RBFOX1: variants seen among roughly 807,000 people sequenced by gnomAD.
The protein encoded by RBFOX1 is RNA binding protein fox-1 homolog 1.
In RBFOX1, 8 loss-of-function variants were observed where a neutral mutation model predicts 57.7. The ratio of observed to expected loss-of-function variants is 0.14; its 90% confidence interval spans 0.08 to 0.25. RBFOX1 has a LOEUF of 0.25. RBFOX1 is among the 10% of genes least tolerant of loss of function. The pLI is 1.00. For synonymous variants in RBFOX1, 326 were observed against 222.4 expected (o/e 1.47, Z -4.15); for missense variants, 611 against 548.5 (o/e 1.11, Z -1.14).
At chr16:6,758,833 T>C (rs902091702) in intron 3 of RBFOX1, among the ~76,000 whole-genome samples, 1 of 152,178 alleles carries the variant, frequency 6.6e-6, no homozygotes, top group Non-Finnish European at 1.5e-5. Flanking sequence ...ACTTTAACTC[T>C]GGGTAATGTG....
At chr16:6,269,652 A>C (rs892951024) in intron 1 of RBFOX1, among the ~76,000 whole-genome samples, 23 of 152,194 alleles carry the variant, frequency 1.5e-4, no homozygotes, top group African/African-American at 5.5e-4. Context: ...TCCTTCGGAG[A>C]TGAAGGAGAA....
chr16:7,225,478 C>T (rs1395226108), intron 4 of RBFOX1, among the ~76,000 whole-genome samples: 2 of 152,020 alleles, frequency 1.3e-5, no homozygotes, highest in Non-Finnish European at 2.9e-5. Context: ...GAGGCCTCCC[C>T]AGCCACGTAT....
rs529816073 is a variant in RBFOX1 at position 5,354,931 on chromosome 16, G to A, written c.220-112285G>A. Among the ~76,000 whole-genome samples, 5 of 152,266 alleles carry A rather than the reference G, an allele frequency of 3.3e-5. No homozygotes were observed. In the South Asian group the frequency reaches 6.2e-4, roughly 19 times the overall value. On this transcript the variant is annotated intron_variant, in intron 1 of 2. Coordinates refer to the RBFOX1 transcript ENST00000585867. The stretch of plus-strand genomic sequence containing the variant: ...CTTATCTGCTCAGCTAAGGGCGCCT[G>A]AGGGTGGTTAAGGGTCCCGTGGCTT...
intron 6 of RBFOX1, among the ~76,000 whole-genome samples, chr16:7,586,910 A>G (rs940670982): frequency 3.3e-5 from 5 of 152,254 alleles, no homozygotes; most frequent in African/African-American, 9.6e-5. Context: ...GTTTAGTGGG[A>G]TAGACCAGAA....
intron 3 of RBFOX1, among the ~76,000 whole-genome samples, chr16:6,993,487 G>T (rs778446834): frequency 6.6e-6 from 1 of 152,162 alleles, no homozygotes; most frequent in Non-Finnish European, 1.5e-5. Flanking sequence ...AAGCCATCCT[G>T]TTGCATTGAA....
At chr16:5,562,980 C>T (rs1402204528) in intron 2 of RBFOX1, among the ~76,000 whole-genome samples, 4 of 152,094 alleles carry the variant, frequency 2.6e-5, no homozygotes, top group African/African-American at 7.2e-5. Flanking sequence ...AATGGAGTCT[C>T]GCTTTGTCAC....
intron 3 of RBFOX1, among the ~76,000 whole-genome samples, chr16:6,771,785 A>G (rs528445209): frequency 6.6e-6 from 1 of 152,132 alleles, no homozygotes; most frequent in Non-Finnish European, 1.5e-5. Context: ...CCCTATGACA[A>G]TAAGTTACCC....
chr16:7,652,206 C>T (rs900834984), intron 11 of RBFOX1, among the ~76,000 whole-genome samples: 9 of 151,002 alleles, frequency 6.0e-5, no homozygotes, highest in Non-Finnish European at 1.2e-4. Context: ...AACTTAAAGG[C>T]AAAAGTGGTT....
chr16:6,057,827 T>A (rs1448483705), intron 1 of RBFOX1, among the ~76,000 whole-genome samples: 1 of 132,722 alleles, frequency 7.5e-6, no homozygotes, highest in East Asian at 2.0e-4. Context: ...TGCTATGGGT[T>A]TTTTTTTTTT....
chr16:5,614,468 A>G (rs552231120), intron 3 of RBFOX1, among the ~76,000 whole-genome samples: 1 of 152,170 alleles, frequency 6.6e-6, no homozygotes, highest in Non-Finnish European at 1.5e-5. Context: ...TTACTCAGAC[A>G]TAAATGATTT....
At chr16:6,547,068 A>T (rs1005037208) in intron 2 of RBFOX1, among the ~76,000 whole-genome samples, 2 of 152,234 alleles carry the variant, frequency 1.3e-5, no homozygotes, top group East Asian at 1.9e-4. Context: ...TTGCCTGCTG[A>T]AGCAGAAATG....
intron 7 of RBFOX1, among the ~76,000 whole-genome samples, chr16:7,588,562 T>G (rs1178871935): frequency 1.3e-5 from 2 of 152,320 alleles, no homozygotes; most frequent in East Asian, 3.9e-4. Flanking sequence ...GAATTTTAAG[T>G]TCCCTTCTCC....
chr16:5,247,766 C>T (rs947201114), intron 1 of RBFOX1, among the ~76,000 whole-genome samples: 4 of 152,148 alleles, frequency 2.6e-5, no homozygotes, highest in African/African-American at 9.7e-5. Context: ...AAATGCTGAG[C>T]CTTGTACCCC....
Position 5,290,127 on chromosome 16 carries a change from G to T in RBFOX1, c.219+50022G>T, listed in dbSNP as rs142383354. On this transcript the variant is annotated intron_variant, in intron 1 of 2. Transcript: ENST00000585867. ...AAGTGGAAGAAACCAGTCACAAAAG[G>T]TCACATAAGATTTCATTTATATGAA... Among the ~76,000 whole-genome samples the T allele has an allele frequency of 5.9e-3, 891 of 152,276 alleles. 12 individuals carry two copies. Among genetic ancestry groups the T allele is most frequent in the African/African-American group, 0.02 (833 of 41,556 alleles).
At chr16:6,515,694 A>T (rs1043084209) in intron 2 of RBFOX1, among the ~76,000 whole-genome samples, 12 of 152,080 alleles carry the variant, frequency 7.9e-5, no homozygotes, top group African/African-American at 2.9e-4. Context: ...CATTTCTCAA[A>T]ACCCTCCCCT....
intron 3 of RBFOX1, among the ~76,000 whole-genome samples, chr16:6,914,342 C>G (rs376818309): frequency 3.9e-5 from 6 of 152,148 alleles, no homozygotes; most frequent in African/African-American, 1.4e-4. Flanking sequence ...GGTGTCTGGG[C>G]TTAAATTACA....
intron 1 of RBFOX1, among the ~76,000 whole-genome samples, chr16:5,272,482 A>T (rs1341841619): frequency 6.6e-6 from 1 of 152,158 alleles, no homozygotes; most frequent in African/African-American, 2.4e-5. Flanking sequence ...GCCCTACCTG[A>T]GATTTCTACT....
intron 1 of RBFOX1, among the ~76,000 whole-genome samples, chr16:5,433,843 C>A (rs1241513272): frequency 6.6e-6 from 1 of 152,100 alleles, no homozygotes. Flanking sequence ...GCGCTCAATA[C>A]ATGGTTATTA....
chr16:6,565,095 C>A (rs955371992), intron 2 of RBFOX1, among the ~76,000 whole-genome samples: 1 of 143,192 alleles, frequency 7.0e-6, no homozygotes, highest in African/African-American at 2.6e-5. Flanking sequence ...TGCATCACTG[C>A]ACTCCAGCCT....
Sources: allele counts gnomAD v4.1 joint callset (sites outside exome capture counted in the v4.1 genomes callset), GRCh38; gene constraint gnomAD v4.1.1; transcripts MANE v1.5; gene names NCBI Gene and HGNC (gene_info 2026-07-23, HGNC 2026-07-21).